Variants in TBX15 observed in about 807,000 individuals in gnomAD.
TBX15 encodes T-box transcription factor 15, also known as T-box transcription factor TBX15.
A neutral mutation model predicts 53.9 loss-of-function variants in TBX15; 18 were observed. The ratio of observed to expected loss-of-function variants is 0.33; its 90% CI spans 0.23 to 0.49. The LOEUF is 0.49. Among genes scored for constraint, TBX15 ranks in the 20% least tolerant of loss-of-function variants. TBX15 has a pLI of 0.98. For synonymous variants in TBX15, 295 were observed against 278.0 expected, an observed-to-expected ratio of 1.06 and a Z score of -0.61; for missense variants, 692 against 749.5, an observed-to-expected ratio of 0.92 and a Z score of 0.90.
At chr1:118,977,391 T>G (rs1406155552) in intron 1 of TBX15, among the ~76,000 whole-genome samples, 1 of 152,178 alleles carries the variant, frequency 6.6e-6, no homozygotes, top group African/African-American at 2.4e-5. Context: ...TTATCATTAT[T>G]ATAGTTTTGT....
intron 1 of TBX15, among the ~76,000 whole-genome samples, chr1:118,982,702 T>G (rs1188837775): frequency 6.6e-6 from 1 of 152,254 alleles, no homozygotes; most frequent in Non-Finnish European, 1.5e-5. Context: ...AATTAAAAGA[T>G]TTTTAACCAT....
intron 2 of TBX15, among the ~76,000 whole-genome samples, chr1:118,927,035 T>C (rs1224956656): frequency 2.0e-5 from 3 of 152,326 alleles, no homozygotes; most frequent in South Asian, 2.1e-4. Flanking sequence ...AAACAACGTA[T>C]TCTTATTAGG....
intron 1 of TBX15, 43 bp from the exon 2 acceptor site, chr1:118,931,875 C>G: frequency 6.5e-7 from 1 of 1,538,872 alleles, no homozygotes; most frequent in East Asian, 2.4e-5. Flanking sequence ...AACTGCTGAG[C>G]TCCCCTCACC....
At chr1:118,948,182 G>T (rs1656403488) in intron 1 of TBX15, among the ~76,000 whole-genome samples, 1 of 152,046 alleles carries the variant, frequency 6.6e-6, no homozygotes, top group African/African-American at 2.4e-5. Context: ...CTGATTCTCT[G>T]TTAAGAGACA....
chr1:118,945,923 G>C (rs1439223942), intron 1 of TBX15, among the ~76,000 whole-genome samples: 2 of 152,154 alleles, frequency 1.3e-5, no homozygotes, highest in Non-Finnish European at 2.9e-5. Context: ...CTTATTGATG[G>C]TGTATGAGCT....
At chr1:118,945,129 C>T (rs1358632906) in intron 1 of TBX15, among the ~76,000 whole-genome samples, 2 of 152,140 alleles carry the variant, frequency 1.3e-5, no homozygotes, top group African/African-American at 4.8e-5. Flanking sequence ...TGTTCATGGA[C>T]TATTCTTACA....
intron 7 of TBX15, among the ~76,000 whole-genome samples, chr1:118,892,515 C>T (rs1446315488): frequency 6.6e-6 from 1 of 152,082 alleles, no homozygotes; most frequent in Non-Finnish European, 1.5e-5. Flanking sequence ...TGGCCATTCT[C>T]TGATAGGTTT....
chr1:118,961,076 A>G (rs1656858344), intron 1 of TBX15, among the ~76,000 whole-genome samples: 1 of 152,106 alleles, frequency 6.6e-6, no homozygotes, highest in Admixed American at 6.5e-5. Flanking sequence ...AAGGACTGGG[A>G]ATTCATGCAA....
chr1:118,989,431 G>A (rs2101067228), upstream of TBX15: 1 of 152,330 alleles, frequency 6.6e-6, no homozygotes, highest in Admixed American at 6.5e-5. Context: ...CGGCAGCGAA[G>A]TCGGTCCTAG....
At chr1:118,978,567 C>A (rs1657517398) in intron 1 of TBX15, among the ~76,000 whole-genome samples, 1 of 152,142 alleles carries the variant, frequency 6.6e-6, no homozygotes, top group Admixed American at 6.5e-5. Flanking sequence ...GTTCCAACAT[C>A]AATTTCAAAG....
rs919287703 is a variant in TBX15, at chr1:118,935,648, C to G, written c.206-3816G>C. ...AGCAACATATCTATTCTCATCCCCCCAAAAAAATCCTTTAAAAAGATATTT... is the reference window on the plus strand; with the variant it reads ...AGCAACATATCTATTCTCATCCCCCGAAAAAAATCCTTTAAAAAGATATTT... On this transcript the variant is annotated intron_variant, in intron 1 of 7. Transcript: ENST00000369429. Among the ~76,000 whole-genome samples the G allele has an allele frequency of 7.2e-5, 11 of 152,120 alleles. No individual in the cohort carries two copies. In the East Asian group the frequency reaches 1.4e-3, roughly 19 times the overall value.
At position 118,983,535 on chromosome 1, in the gene TBX15, A is replaced by G. The variant is rs527580190; in HGVS notation, c.205+4056T>C. On this transcript the variant is annotated intron_variant, in intron 1 of 7. Transcript: ENST00000369429. ...AGCGAACAATAATCCTCACTGGCCC[A>G]TGACAAACTCGGGCCTTAGATCCCT... 3.3e-5 allele frequency among the ~76,000 whole-genome samples: 5 copies of G among 152,306 alleles called. No individual in the cohort carries two copies. In the South Asian group the frequency reaches 1.0e-3, roughly 32 times the overall value.
Position 118,901,015 on chromosome 1 carries a change from A to G in TBX15, c.927-1890T>C, listed in dbSNP as rs140960626. On this transcript the variant is annotated intron_variant, in intron 6 of 7. Transcript: ENST00000369429. ...CAAGGACAAAGAACAGTCCCTTCTC[A>G]GTTCATAATGAAGTGCTGGAAGACT... Among the ~76,000 whole-genome samples the G allele has an allele frequency of 5.9e-5, 9 of 152,338 alleles. No individual in the cohort carries two copies. The East Asian group carries it at 1.2e-3, about 20-fold the overall frequency.
intron 6 of TBX15, among the ~76,000 whole-genome samples, chr1:118,912,776 T>C (rs1177331422): frequency 6.6e-6 from 1 of 152,218 alleles, no homozygotes; most frequent in Non-Finnish European, 1.5e-5. Flanking sequence ...ACGGCCTTTG[T>C]CTTGTTATAA....
At chr1:118,935,423 C>A (rs566511254) in intron 1 of TBX15, among the ~76,000 whole-genome samples, 1 of 152,104 alleles carries the variant, frequency 6.6e-6, no homozygotes, top group Non-Finnish European at 1.5e-5. Flanking sequence ...CAAAAAATAG[C>A]CATTAGGAAC....
chr1:118,907,069 C>A (rs79417777), intron 6 of TBX15, among the ~76,000 whole-genome samples: 2,151 of 152,224 alleles, frequency 0.014, 46 homozygotes, highest in African/African-American at 0.05. Context: ...AAAAACATAC[C>A]CTCCTAAAAA....
intron 7 of TBX15, among the ~76,000 whole-genome samples, chr1:118,893,095 C>T (rs535691384): frequency 5.9e-5 from 9 of 151,640 alleles, no homozygotes; most frequent in Non-Finnish European, 5.9e-5. Context: ...AAAAATTAGC[C>T]AGGCATGGTG....
intron 1 of TBX15, among the ~76,000 whole-genome samples, chr1:118,935,258 A>C (rs1240612190): frequency 6.6e-6 from 1 of 152,194 alleles, no homozygotes; most frequent in Non-Finnish European, 1.5e-5. Flanking sequence ...ATGTATAATA[A>C]AGTTATCTAA....
intron 1 of TBX15, among the ~76,000 whole-genome samples, chr1:118,939,436 A>AAAAAAAAAAAAAAAAAAAAG (rs1656088479): frequency 1.4e-5 from 1 of 73,140 alleles, no homozygotes; most frequent in Non-Finnish European, 2.6e-5. Context: ...AAAAAAAAAA[A>AAAAAAAAAAAAAAAAAAAAG]CAAAAACAGG....
Sources: allele counts gnomAD v4.1 joint callset (sites outside exome capture counted in the v4.1 genomes callset), GRCh38; gene constraint gnomAD v4.1.1; transcripts MANE v1.5; gene names NCBI Gene and HGNC (gene_info 2026-07-23, HGNC 2026-07-21).